SPAG16: variants seen among roughly 807,000 people sequenced by gnomAD.
The protein encoded by SPAG16 is sperm-associated antigen 16 protein.
In SPAG16, 86 loss-of-function variants were observed where a neutral mutation model predicts 80.4. The ratio of observed to expected loss-of-function variants is 1.07; its 90% CI spans 0.90 to 1.28. SPAG16 has a LOEUF of 1.28. Ranked by LOEUF, SPAG16 falls within the 50% of genes most tolerant of loss-of-function variation. SPAG16 has a pLI of 0.00. For missense variants in SPAG16, 870 were observed against 765.3 expected (o/e 1.14, Z -1.61); for synonymous variants, 294 against 265.9 (o/e 1.11, Z -1.03).
intron 12 of SPAG16, among the ~76,000 whole-genome samples, chr2:213,963,414 C>T (rs78545872): frequency 0.065 from 9,931 of 152,046 alleles, 563 homozygotes; most frequent in African/African-American, 0.15. Flanking sequence ...ACGATTTCTA[C>T]GATTTAATTT....
At position 213,291,666 on chromosome 2, in the gene SPAG16, T is replaced by C. The variant is rs113559804; in HGVS notation, c.137-4398T>C. On this transcript the variant is annotated intron_variant, in intron 1 of 15. Transcript: ENST00000331683. ...AAGTTTTTGGAAAAAAATAGGTGAGTTCATTACCTAGGATATTGGTAAAAA... is the reference window on the plus strand; with the variant it reads ...AAGTTTTTGGAAAAAAATAGGTGAGCTCATTACCTAGGATATTGGTAAAAA... Among the ~76,000 whole-genome samples, 89 of 152,300 alleles carry C rather than the reference T, an allele frequency of 5.8e-4. 1 individual carries two copies. Among genetic ancestry groups the C allele is most frequent in the African/African-American group, 2.1e-3 (88 of 41,560 alleles).
At chr2:214,034,918 CT>C (rs2048610015) in intron 13 of SPAG16, among the ~76,000 whole-genome samples, 1 of 152,192 alleles carries the variant, frequency 6.6e-6, no homozygotes, top group Non-Finnish European at 1.5e-5. Context: ...TCGGCAGGTC[CT>C]GAGTTCTTGA....
At chr2:213,302,696 T>C (rs978056871) in intron 3 of SPAG16, 4 of 151,496 alleles carry the variant, frequency 2.6e-5, no homozygotes, top group Non-Finnish European at 4.4e-5. Flanking sequence ...AATTGAGGTA[T>C]ATTTACAAGC....
At chr2:214,265,689 T>C (rs1691510365) in intron 15 of SPAG16, among the ~76,000 whole-genome samples, 1 of 152,044 alleles carries the variant, frequency 6.6e-6, no homozygotes, top group African/African-American at 2.4e-5. Context: ...AATGGTCATG[T>C]AGATTTTCTT....
At chr2:213,506,456 T>A (rs370931019) in intron 10 of SPAG16, among the ~76,000 whole-genome samples, 2 of 152,062 alleles carry the variant, frequency 1.3e-5, no homozygotes, top group African/African-American at 4.8e-5. Context: ...CAAGTTATAT[T>A]TTTTTTACAT....
At chr2:214,297,221 G>A (rs748014886) in intron 15 of SPAG16, among the ~76,000 whole-genome samples, 25 of 152,018 alleles carry the variant, frequency 1.6e-4, no homozygotes, top group Middle Eastern at 3.4e-3. Flanking sequence ...ATCTTTTGTC[G>A]GAGTCATAAT....
chr2:213,810,322 T>C (rs2072050896), intron 10 of SPAG16, among the ~76,000 whole-genome samples: 1 of 152,192 alleles, frequency 6.6e-6, no homozygotes, highest in Non-Finnish European at 1.5e-5. Context: ...TCTAAAATTA[T>C]AGTGGGAGTT....
At chr2:213,554,953 C>A (rs1189219119) in intron 10 of SPAG16, among the ~76,000 whole-genome samples, 1 of 151,784 alleles carries the variant, frequency 6.6e-6, no homozygotes, top group Non-Finnish European at 1.5e-5. Flanking sequence ...ACAAAACTTT[C>A]CAAACCCGAG....
At chr2:214,365,197 G>A (rs553932531) in intron 15 of SPAG16, among the ~76,000 whole-genome samples, 1 of 152,256 alleles carries the variant, frequency 6.6e-6, no homozygotes, top group Non-Finnish European at 1.5e-5. Flanking sequence ...GTTTGTGGGA[G>A]AAGATTATGA....
Position 213,322,351 on chromosome 2 carries a change from A to C in SPAG16, c.536+4995A>C, listed in dbSNP as rs1439784839. On this transcript the variant is annotated intron_variant, in intron 5 of 15. Coordinates refer to ENST00000331683, the MANE Select transcript of SPAG16 (RefSeq NM_024532.5). ...AGACAATGCAAAAAAAAAAAAAAAA[A>C]AAAAACAAAAAACTCGTTTGGGTGA... 1.1e-4 allele frequency among the ~76,000 whole-genome samples: 12 copies of C among 111,246 alleles called. No homozygotes were observed. The East Asian group carries it at 1.9e-3, about 18-fold the overall frequency. The allele number at this position is 111,246 out of a possible 152,430, so 73.0% of individuals were successfully genotyped here.
At chr2:214,064,620 T>C (rs990441678) in intron 13 of SPAG16, among the ~76,000 whole-genome samples, 2 of 152,142 alleles carry the variant, frequency 1.3e-5, no homozygotes, top group Admixed American at 1.3e-4. Context: ...AAATTGTAAG[T>C]TGACCCACTA....
At chr2:213,852,261 T>C (rs575207175) in intron 10 of SPAG16, among the ~76,000 whole-genome samples, 4 of 152,390 alleles carry the variant, frequency 2.6e-5, no homozygotes, top group Admixed American at 6.5e-5. Context: ...GGGTTGCTAC[T>C]GTACTCTCCA....
chr2:213,749,311 G>C (rs557780125), intron 10 of SPAG16, among the ~76,000 whole-genome samples: 1 of 150,708 alleles, frequency 6.6e-6, no homozygotes, highest in Non-Finnish European at 1.5e-5. Flanking sequence ...GTATTTAATG[G>C]CCATTTTATA....
At chr2:213,437,281 C>T (rs2070702215) in intron 9 of SPAG16, among the ~76,000 whole-genome samples, 1 of 152,176 alleles carries the variant, frequency 6.6e-6, no homozygotes, top group African/African-American at 2.4e-5. Flanking sequence ...TTATCTCTTA[C>T]TAACTTTGGG....
chr2:214,209,246 A>T (rs1019247951), intron 15 of SPAG16, among the ~76,000 whole-genome samples: 3 of 152,104 alleles, frequency 2.0e-5, no homozygotes, highest in Admixed American at 6.6e-5. Flanking sequence ...TCCTGGGAAT[A>T]TAACTAAAAC....
intron 10 of SPAG16, among the ~76,000 whole-genome samples, chr2:213,725,541 A>T (rs1409148481): frequency 1.3e-5 from 2 of 152,220 alleles, no homozygotes; most frequent in East Asian, 3.8e-4. Context: ...ATAGCATCCC[A>T]AGATGGGGCT....
chr2:214,221,767 A>G (rs2058576701), intron 15 of SPAG16, among the ~76,000 whole-genome samples: 1 of 151,886 alleles, frequency 6.6e-6, no homozygotes, highest in Admixed American at 6.6e-5. Flanking sequence ...ATTTCATGTT[A>G]TTTTTCGTGT....
intron 10 of SPAG16, among the ~76,000 whole-genome samples, chr2:213,672,627 A>G (rs1256550648): frequency 6.6e-6 from 1 of 151,912 alleles, no homozygotes; most frequent in Non-Finnish European, 1.5e-5. Flanking sequence ...TTGTCATGTC[A>G]TATATTTTTG....
At chr2:214,298,827 A>G (rs533583710) in intron 15 of SPAG16, among the ~76,000 whole-genome samples, 1 of 152,184 alleles carries the variant, frequency 6.6e-6, no homozygotes, top group Non-Finnish European at 1.5e-5. Context: ...AGACTGCTCT[A>G]GATTTTTTTC....
Sources: gnomAD v4.1 joint callset for allele counts (sites outside exome capture counted in the v4.1 genomes callset) on GRCh38, gnomAD v4.1.1 for gene constraint, MANE v1.5 for transcripts, NCBI Gene and HGNC (gene_info 2026-07-23, HGNC 2026-07-21) for gene names.